The following INTS3 variants were observed in gnomAD, a reference collection of about 807,000 sequenced individuals.
The protein encoded by INTS3 is SOSS complex subunit A.
A neutral mutation model predicts 146.3 loss-of-function variants in INTS3; 34 were observed. The ratio of observed to expected loss-of-function variants is 0.23; its 90% CI spans 0.18 to 0.31. The LOEUF is 0.31. Among genes scored for constraint, INTS3 ranks in the 10% least tolerant of loss-of-function variants. The probability of loss-of-function intolerance (pLI) is 1.00; values close to 1 mark genes in which losing one functional copy is unlikely to be tolerated. For missense variants in INTS3, 757 were observed against 1,304.2 expected (o/e 0.58, Z 6.46); for synonymous variants, 475 against 494.9 (o/e 0.96, Z 0.53).
rs1671118712 is a variant in INTS3, at chr1:153,732,637, G to A, written c.150+3853G>A. ...CTTTTTTTGCATTTTTAGTAGAGAC[G>A]GGGTTTCACCACATTGGCTAGGCTG... On this transcript the variant is annotated intron_variant, in intron 1 of 29. Transcript: ENST00000318967. Among the ~76,000 whole-genome samples the A allele has an allele frequency of 2.0e-5, 3 of 151,080 alleles. No individual in the cohort carries two copies. The South Asian group carries it at 6.3e-4, about 32-fold the overall frequency.
intron 3 of INTS3, 46 bp downstream of exon 3, chr1:153,741,414 C>A: frequency 7.4e-7 from 1 of 1,358,230 alleles, no homozygotes; most frequent in Non-Finnish European, 1.1e-6. Context: ...CATATATGAT[C>A]TGGGATATGG....
intron 1 of INTS3, among the ~76,000 whole-genome samples, chr1:153,733,989 C>A (rs1298296977): frequency 2.6e-5 from 4 of 152,172 alleles, no homozygotes; most frequent in Non-Finnish European, 5.9e-5. Context: ...GCTTGAGTCT[C>A]CAGCTTTGGG....
intron 26 of INTS3, 26 bp downstream of exon 26, chr1:153,771,989 C>A: frequency 6.3e-7 from 1 of 1,598,158 alleles, no homozygotes; most frequent in Non-Finnish European, 8.5e-7. Flanking sequence ...TGTCTACCCT[C>A]CAGGCCATGG....
intron 1 of INTS3, among the ~76,000 whole-genome samples, chr1:153,736,644 A>G (rs909203629): frequency 1.3e-5 from 2 of 150,250 alleles, no homozygotes; most frequent in Non-Finnish European, 1.5e-5. Context: ...ACGGGGTTTC[A>G]CCATGTTGGT....
chr1:153,767,649 GGC>G (rs776378971), intron 20 of INTS3, 23 bp from the exon 21 acceptor site: 67 of 1,547,592 alleles, frequency 4.3e-5, no homozygotes, highest in Non-Finnish European at 5.7e-5. Flanking sequence ...TCAGGCTGCT[GGC>G]TCAGGCCCAG....
chr1:153,746,553 A>C (rs1671746499), intron 3 of INTS3, among the ~76,000 whole-genome samples: 1 of 152,142 alleles, frequency 6.6e-6, no homozygotes, highest in African/African-American at 2.4e-5. Context: ...GGTGCCCGCC[A>C]CCGTGCCCGG....
rs1470502892 is a variant in INTS3, at chr1:153,741,205, A to T, written c.235-80A>T. ...CCTTTGCATCTTCCTTAGGAGTCCC[A>T]TGTTTTCTGGGAGAAACTGAGTTTG... On this transcript the variant is annotated intron_variant, in intron 2 of 29. Transcript: ENST00000318967. 6.0e-6 allele frequency: 6 copies of T among 997,706 alleles called. No individual in the cohort carries two copies. In the Admixed American group the frequency reaches 1.0e-4, roughly 17 times the overall value. The allele number at this position is 997,706 out of a possible 1,614,324, so 61.8% of individuals were successfully genotyped here. A position where few individuals can be genotyped will look rare whatever the true frequency, so the allele number is the denominator to read the frequency against.
chr1:153,734,101 A>G (rs976847038), intron 1 of INTS3, among the ~76,000 whole-genome samples: 7 of 152,038 alleles, frequency 4.6e-5, no homozygotes, highest in African/African-American at 1.7e-4. Context: ...TATTAGAAAA[A>G]TTAGTTCAGG....
Position 153,773,574 on chromosome 1 carries a change from C to G in INTS3, c.*304C>G, listed in dbSNP as rs1486617551. 1.4e-5 allele frequency: 7 copies of G among 483,538 alleles called. No individual in the cohort carries two copies. The highest frequency in any genetic ancestry group is 3.5e-5 in the South Asian group (1 of 28,188). The allele number at this position is 483,538 out of a possible 1,614,324, so 30.0% of individuals were successfully genotyped here. On this transcript the variant is annotated 3_prime_UTR_variant, in exon 30 of 30. Coordinates refer to ENST00000318967, the MANE Select transcript of INTS3 (RefSeq NM_023015.5). ...AGTGGAAGTCCTCAGCCCCCTGGCC[C>G]CTTCCGCAATCTCCTCCCCCAGTCT...
At chr1:153,759,181 A>G (rs1013381447) in intron 10 of INTS3, among the ~76,000 whole-genome samples, 1 of 150,764 alleles carries the variant, frequency 6.6e-6, no homozygotes. Flanking sequence ...GGCTGAGGTG[A>G]GAGGCTCTCT....
chr1:153,764,915 G>A (rs903327570), intron 19 of INTS3, 29 bp from the exon 20 acceptor site: 23 of 1,613,900 alleles, frequency 1.4e-5, no homozygotes, highest in Non-Finnish European at 1.9e-5. Flanking sequence ...GTAAAGTTCT[G>A]TTCCTCTCCT....
Position 153,772,667 on chromosome 1 carries a change from G to A in INTS3, c.2850G>A (p.Ala950=), listed in dbSNP as rs762135648. ...NFFSQTPILQ[A]LQHVQASCDE... is the part of the protein sequence containing the mutation. ...TTAGCCAGACGCCAATTCTCCAGGC[G>A]CTGCAGCATGTCCAAGCGAGCTGTG... The change falls in exon 28 of 30, where the codon GCG becomes GCA. Residue 950 remains alanine, a synonymous_variant. Transcript: ENST00000318967. The surrounding 1 kb of genome is among the most constrained non-coding windows in gnomAD (Gnocchi z 4.6). The A allele has an allele frequency of 2.4e-5, 38 of 1,614,006 alleles. No individual in the cohort carries two copies. The highest frequency in any genetic ancestry group is 1.3e-4 in the African/African-American group (10 of 74,904).
At chr1:153,744,033 A>ATGTGTGTG (rs1385828293) in intron 3 of INTS3, among the ~76,000 whole-genome samples, 14 of 102,408 alleles carry the variant, frequency 1.4e-4, no homozygotes, top group African/African-American at 5.1e-4. Flanking sequence ...GAGGGTGTGC[A>ATGTGTGTG]TGTGCGTGTG....
intron 22 of INTS3, 95 bp downstream of exon 22, chr1:153,769,056 C>G: frequency 1.0e-6 from 1 of 980,828 alleles, no homozygotes; most frequent in Non-Finnish European, 1.6e-6. Flanking sequence ...GACAGGGAGC[C>G]CATGCCTCCC....
In INTS3 at chr1:153,773,927, C is replaced by T. The variant is rs748224472; in HGVS notation, c.*657C>T. ...TGGCACCTCAATCTACACCAGAGCC[C>T]AGGGAGTCCCAGAGGCAAGTTTCAC... is the stretch of plus-strand genomic sequence containing the variant. On this transcript the variant is annotated 3_prime_UTR_variant, in exon 30 of 30. Coordinates refer to ENST00000318967, the MANE Select transcript of INTS3 (RefSeq NM_023015.5). 1.2e-5 allele frequency: 2 copies of T among 166,636 alleles called. No homozygotes were observed. The highest frequency in any genetic ancestry group is 1.5e-5 in the Non-Finnish European group (1 of 68,098). The allele number at this position is 166,636 out of a possible 1,614,324, so 10.3% of individuals were successfully genotyped here. A position where few individuals can be genotyped will look rare whatever the true frequency, so the allele number is the denominator to read the frequency against.
At chr1:153,735,699 C>G (rs1236581161) in intron 1 of INTS3, among the ~76,000 whole-genome samples, 1 of 152,128 alleles carries the variant, frequency 6.6e-6, no homozygotes, top group East Asian at 1.9e-4. Flanking sequence ...AATTGATTCC[C>G]CAGTCCGTGA....
At chr1:153,759,652 C>A in intron 11 of INTS3, 39 bp downstream of exon 11, 1 of 1,307,588 alleles carries the variant, frequency 7.6e-7, no homozygotes, top group Non-Finnish European at 1.1e-6. Context: ...TTCCCCATCC[C>A]CCTAAGCCCC....
In INTS3 at chr1:153,773,634, C is replaced by CA. The variant is rs1673002724; in HGVS notation, c.*367dup. 2.9e-6 allele frequency: 1 copy of CA among 343,342 alleles called. No individual in the cohort carries two copies. The highest frequency in any genetic ancestry group is 5.6e-5 in the East Asian group (1 of 17,964). 21.3% of individuals were successfully genotyped at this position (343,342 alleles called of 1,614,324 possible). A position where few individuals can be genotyped will look rare whatever the true frequency, so the allele number is the denominator to read the frequency against. On this transcript the variant is annotated 3_prime_UTR_variant, in exon 30 of 30. Transcript: ENST00000318967. ...CCATTTCAACAGAGAAGGGAAATGA[C>CA]AAAGGGGCAGCTGGCCAGATAAGCT...
At position 153,769,911 on chromosome 1, in the gene INTS3, T is replaced by C. The variant is rs913178245; in HGVS notation, c.2389+67T>C. 3.5e-6 allele frequency: 4 copies of C among 1,156,796 alleles called. No individual in the cohort carries two copies. In the African/African-American group the frequency reaches 4.5e-5, roughly 13 times the overall value. The allele number at this position is 1,156,796 out of a possible 1,614,324, so 71.7% of individuals were successfully genotyped here. Reference sequence around the variant, plus strand: ...GGCAGGGTGTCAGTCCTGTGTATTTTACACTATCAGGAAAGCTGGTTCTGG... The same window carrying C: ...GGCAGGGTGTCAGTCCTGTGTATTTCACACTATCAGGAAAGCTGGTTCTGG... On this transcript the variant is annotated intron_variant, in intron 23 of 29. Transcript: ENST00000318967.
Sources: gnomAD v4.1 joint callset for allele counts (sites outside exome capture counted in the v4.1 genomes callset) on GRCh38, gnomAD v4.1.1 for gene constraint, Gnocchi (gnomAD v3.1) non-coding constraint, MANE v1.5 for transcripts, NCBI Gene and HGNC (gene_info 2026-07-23, HGNC 2026-07-21) for gene names.